Variants in NBPF8 observed in about 807,000 individuals in gnomAD.
NBPF8 encodes NBPF family member NBPF8.
intron 11 of NBPF8, among the ~76,000 whole-genome samples, chr1:120,449,735 A>G (rs1204104960): frequency 6.6e-6 from 1 of 152,162 alleles, no homozygotes; most frequent in African/African-American, 2.4e-5. Context: ...CAGACAAATA[A>G]CATCTAGTCT....
intron 11 of NBPF8, 33 bp downstream of exon 9, chr1:120,449,435 A>T (rs1661193812): frequency 6.8e-7 from 1 of 1,474,652 alleles, no homozygotes; most frequent in South Asian, 1.1e-5. Flanking sequence ...CATGAAAGTG[A>T]TGAATGATAT....
At chr1:120,429,560 A>G (rs2101549467) in intron 3 of NBPF8, among the ~76,000 whole-genome samples, 2 of 152,110 alleles carry the variant, frequency 1.3e-5, no homozygotes, top group South Asian at 2.1e-4. Context: ...TTTCCTTGAG[A>G]GGCAGGGACA....
intron 21 of NBPF8, 72 bp downstream of exon 19, chr1:120,463,038 G>A: frequency 1.6e-6 from 1 of 618,920 alleles, no homozygotes; most frequent in South Asian, 2.0e-5. Context: ...CCTGTTCCAA[G>A]TGGCCCTTAC....
At chr1:120,428,167 G>A (rs1660773404) in intron 3 of NBPF8, among the ~76,000 whole-genome samples, 1 of 151,930 alleles carries the variant, frequency 6.6e-6, no homozygotes, top group Non-Finnish European at 1.5e-5. Flanking sequence ...CTCCCTTTAT[G>A]TACATAGAAA....
At chr1:120,421,419 A>C (rs1320670210) in intron 1 of NBPF8, among the ~76,000 whole-genome samples, 7 of 114,002 alleles carry the variant, frequency 6.1e-5, no homozygotes, top group African/African-American at 1.4e-4. Context: ...CTCTCTCTTT[A>C]TTCTTTCCCT....
exon 25 of NBPF8, chr1:120,466,335 G>A: frequency 2.1e-6 from 3 of 1,442,860 alleles, no homozygotes; most frequent in South Asian, 2.6e-5. Context: ...ATGGGTCAGT[G>A]GGCATGGCTC....
At chr1:120,464,786 C>G (rs1661699068) in intron 23 of NBPF8, among the ~76,000 whole-genome samples, 2 of 147,562 alleles carry the variant, frequency 1.4e-5, no homozygotes, top group Admixed American at 6.8e-5. Flanking sequence ...TGATCCTACT[C>G]TCATGACATT....
chr1:120,464,652 C>T, intron 23 of NBPF8, 104 bp downstream of exon 21: 1 of 703,170 alleles, frequency 1.4e-6, no homozygotes, highest in Non-Finnish European at 2.6e-6. Flanking sequence ...ATGTCATTGC[C>T]ACAGGGAGGA....
exon 15 of NBPF8, chr1:120,454,072 T>A (rs1440466732): frequency 6.2e-7 from 1 of 1,613,316 alleles, no homozygotes; most frequent in East Asian, 2.2e-5. Context: ...CATTGGCTCA[T>A]CCTCTCATGT....
chr1:120,455,285 C>A (rs1281602563), intron 15 of NBPF8, 124 bp from the exon 14 acceptor site: 9 of 641,396 alleles, frequency 1.4e-5, no homozygotes, highest in Non-Finnish European at 1.4e-5. Flanking sequence ...TAGAATATTC[C>A]TGTCAGAATC....
chr1:120,454,079 A>G (rs1285293964), exon 15 of NBPF8: 6 of 1,613,034 alleles, frequency 3.7e-6, no homozygotes, highest in Admixed American at 3.3e-5. Context: ...TCATCCTCTC[A>G]TGTTGAATGG....
chr1:120,415,071 G>A (rs1553244860), upstream of NBPF8, among the ~76,000 whole-genome samples: 27 of 152,196 alleles, frequency 1.8e-4, no homozygotes, highest in East Asian at 1.6e-3. Context: ...CTCAGGCTAT[G>A]GGCTGGGCGG....
chr1:120,429,188 CCT>C (rs1660802437), intron 3 of NBPF8, among the ~76,000 whole-genome samples: 2 of 152,138 alleles, frequency 1.3e-5, no homozygotes, highest in South Asian at 4.2e-4. Context: ...GTATTTCTTC[CCT>C]CTCCCTCCCT....
At chr1:120,434,414 ATT>A (rs1491156645), upstream of NBPF8, among the ~76,000 whole-genome samples, 1 of 145,008 alleles carries the variant, frequency 6.9e-6, no homozygotes, top group African/African-American at 2.6e-5. Context: ...GTGTATATAT[ATT>A]ATATATATAT....
chr1:120,424,439 C>T (rs1192873009), intron 1 of NBPF8, among the ~76,000 whole-genome samples: 1 of 151,782 alleles, frequency 6.6e-6, no homozygotes, highest in African/African-American at 2.4e-5. Flanking sequence ...AAGTAGTGAA[C>T]CGTCTTTATT....
In NBPF8 at chr1:120,466,093, A is replaced by G; in HGVS notation, n.3684A>G. ...ACTACGTGACTCATTCCAGCACTAC[A>G]GAAGTGTGTTTTACTCATTTGAGGA... On this transcript the variant is annotated non_coding_transcript_exon_variant, in exon 25 of 25. Transcript: ENST00000583271. 1.9e-6 allele frequency: 3 copies of G among 1,611,748 alleles called. No homozygotes were observed. The African/African-American group carries it at 4.0e-5, about 21-fold the overall frequency.
intron 3 of NBPF8, among the ~76,000 whole-genome samples, chr1:120,428,757 C>A (rs1470732787): frequency 6.8e-6 from 1 of 146,514 alleles, no homozygotes; most frequent in Non-Finnish European, 1.5e-5. Flanking sequence ...GTGTACTCTT[C>A]AACCCATAAC....
intron 11 of NBPF8, among the ~76,000 whole-genome samples, chr1:120,450,010 T>G (rs1661217096): frequency 6.6e-6 from 1 of 151,984 alleles, no homozygotes; most frequent in Non-Finnish European, 1.5e-5. Flanking sequence ...GGGCAGATCA[T>G]CAGGTCAGGA....
chr1:120,436,559 G>C (rs1661087901), exon 1 of NBPF8: 1 of 1,525,424 alleles, frequency 6.6e-7, no homozygotes, highest in Admixed American at 1.7e-5. Flanking sequence ...CAGCGAGAAG[G>C]CAGAGATGAA....
Sources: gnomAD v4.1 joint callset for allele counts (sites outside exome capture counted in the v4.1 genomes callset) on GRCh38, gnomAD v4.1.1 for gene constraint, MANE v1.5 for transcripts, NCBI Gene and HGNC (gene_info 2026-07-23, HGNC 2026-07-21) for gene names.